CTNNA3: variants seen among roughly 807,000 people sequenced by gnomAD.
The protein encoded by CTNNA3 is catenin alpha-3.
CTNNA3 carries 76 observed loss-of-function variants against 95.7 expected under a neutral mutation model. That is an observed-to-expected ratio of 0.79 (90% CI 0.66 to 0.96). The LOEUF is 0.96. Among genes scored for constraint, CTNNA3 ranks in the 40% least tolerant of loss-of-function variants. The pLI, the probability that CTNNA3 is intolerant of heterozygous loss-of-function variation, is 0.00. For missense variants in CTNNA3, 1,191 were observed against 1,089.8 expected (o/e 1.09, Z -1.31); for synonymous variants, 431 against 374.4 (o/e 1.15, Z -1.74).
chr10:67,078,867 A>G (rs1355761798), intron 7 of CTNNA3, among the ~76,000 whole-genome samples: 1 of 152,188 alleles, frequency 6.6e-6, no homozygotes, highest in African/African-American at 2.4e-5. Context: ...CAAGGTTAGC[A>G]GGACACTTGT....
chr10:67,014,095 T>C (rs1416333111), intron 7 of CTNNA3, among the ~76,000 whole-genome samples: 1 of 152,190 alleles, frequency 6.6e-6, no homozygotes, highest in Non-Finnish European at 1.5e-5. Context: ...CAACATTAGT[T>C]TGTATTTTGG....
chr10:65,983,282 A>G (rs1292160737), intron 16 of CTNNA3, among the ~76,000 whole-genome samples: 1 of 151,624 alleles, frequency 6.6e-6, no homozygotes, highest in Non-Finnish European at 1.5e-5. Context: ...AGAAAGTCTA[A>G]CACTGTTCTC....
chr10:67,197,391 G>A (rs1294815337), intron 6 of CTNNA3, among the ~76,000 whole-genome samples: 1 of 151,964 alleles, frequency 6.6e-6, no homozygotes, highest in Non-Finnish European at 1.5e-5. Context: ...TGTCCTTTGG[G>A]AGAAATAGCA....
intron 10 of CTNNA3, among the ~76,000 whole-genome samples, chr10:66,585,549 C>T (rs1341974592): frequency 6.6e-6 from 1 of 151,674 alleles, no homozygotes; most frequent in Non-Finnish European, 1.5e-5. Context: ...TTCTGATTGG[C>T]TTTCCTTTAA....
intron 15 of CTNNA3, among the ~76,000 whole-genome samples, chr10:66,061,903 G>T (rs1274787571): frequency 1.3e-5 from 2 of 152,172 alleles, no homozygotes; most frequent in Admixed American, 1.3e-4. Flanking sequence ...CATAATTATT[G>T]TTATCTCTGA....
intron 7 of CTNNA3, among the ~76,000 whole-genome samples, chr10:67,118,708 T>C (rs1406134898): frequency 6.6e-6 from 1 of 151,894 alleles, no homozygotes; most frequent in Non-Finnish European, 1.5e-5. Flanking sequence ...AAAAATGATA[T>C]TAATAAAAAT....
At chr10:66,985,842 C>T (rs1850699279) in intron 7 of CTNNA3, among the ~76,000 whole-genome samples, 1 of 152,092 alleles carries the variant, frequency 6.6e-6, no homozygotes, top group Non-Finnish European at 1.5e-5. Flanking sequence ...ATTCTCATGC[C>T]TCAGCCTCCC....
rs183437954 is a variant in CTNNA3, at chr10:66,723,247, T to C, written c.1281+43017A>G. Among the ~76,000 whole-genome samples, 145 of 152,318 alleles carry C rather than the reference T, an allele frequency of 9.5e-4. 1 individual carries two copies. The highest frequency in any genetic ancestry group is 3.8e-3 in the Admixed American group (58 of 15,302). The stretch of plus-strand genomic sequence containing the variant: ...CTATGAGATACATGATAGTTGTTTC[T>C]AGTAACATATGTTTTCTCATTTTTA... On this transcript the variant is annotated intron_variant, in intron 9 of 17. Transcript: ENST00000433211.
intron 9 of CTNNA3, among the ~76,000 whole-genome samples, chr10:66,734,421 A>C (rs1290216303): frequency 6.6e-6 from 1 of 152,162 alleles, no homozygotes; most frequent in Non-Finnish European, 1.5e-5. Flanking sequence ...GATATTTTTC[A>C]GCATGTTAAG....
chr10:67,245,369 T>C (rs77098095), intron 5 of CTNNA3, among the ~76,000 whole-genome samples: 1 of 152,216 alleles, frequency 6.6e-6, no homozygotes, highest in Non-Finnish European at 1.5e-5. Context: ...TTGTCACTAA[T>C]ATATACTACA....
At chr10:66,189,772 T>C (rs2086571822) in intron 13 of CTNNA3, among the ~76,000 whole-genome samples, 1 of 151,654 alleles carries the variant, frequency 6.6e-6, no homozygotes, top group Admixed American at 6.6e-5. Context: ...GTTACCTTTA[T>C]TTTCCGTATG....
intron 7 of CTNNA3, among the ~76,000 whole-genome samples, chr10:66,828,952 C>T (rs1842612726): frequency 6.6e-6 from 1 of 152,186 alleles, no homozygotes; most frequent in Admixed American, 6.5e-5. Flanking sequence ...TGTGAAGAGG[C>T]ATGTAATGCA....
rs554560366 is a variant in CTNNA3 at position 66,943,517 on chromosome 10, C to T, written c.1048-167993G>A. Among the ~76,000 whole-genome samples the T allele has an allele frequency of 7.5e-3, 434 of 57,602 alleles. 11 individuals carry two copies. In the Admixed American group the frequency reaches 0.098, roughly 13 times the overall value. The allele number at this position is 57,602 out of a possible 152,430, so 37.8% of individuals were successfully genotyped here. A position where few individuals can be genotyped will look rare whatever the true frequency, so the allele number is the denominator to read the frequency against. On this transcript the variant is annotated intron_variant, in intron 7 of 17. Transcript: ENST00000433211. ...CCTGATCCCAAATCCAATTCCCCCA[C>T]CCTTTTTTTTTTTTTCAGTATTAGC...
At chr10:66,771,380 C>T (rs1030772361) in intron 8 of CTNNA3, among the ~76,000 whole-genome samples, 3 of 151,960 alleles carry the variant, frequency 2.0e-5, no homozygotes, top group Non-Finnish European at 4.4e-5. Flanking sequence ...AGTCTTCCTC[C>T]TTTTACTGAG....
intron 10 of CTNNA3, among the ~76,000 whole-genome samples, chr10:66,528,564 T>C (rs1589380155): frequency 6.6e-6 from 1 of 152,172 alleles, no homozygotes; most frequent in African/African-American, 2.4e-5. Context: ...TTTATTCTAG[T>C]AAAACCTGCC....
At chr10:66,631,768 G>T (rs918071013) in intron 9 of CTNNA3, among the ~76,000 whole-genome samples, 1 of 151,280 alleles carries the variant, frequency 6.6e-6, no homozygotes, top group African/African-American at 2.4e-5. Context: ...ATAAAAAAAA[G>T]CAATAGATGC....
At chr10:66,663,444 C>G (rs996816333) in intron 9 of CTNNA3, among the ~76,000 whole-genome samples, 1 of 145,620 alleles carries the variant, frequency 6.9e-6, no homozygotes, top group Non-Finnish European at 1.5e-5. Flanking sequence ...GCAAAAATGT[C>G]CACTTAAAAA....
intron 5 of CTNNA3, among the ~76,000 whole-genome samples, chr10:67,380,222 C>A (rs1843884498): frequency 6.6e-6 from 1 of 152,006 alleles, no homozygotes. Flanking sequence ...CAAAATGGAT[C>A]AGATAAAGTT....
At chr10:66,692,238 C>A (rs917339272) in intron 9 of CTNNA3, among the ~76,000 whole-genome samples, 1 of 152,098 alleles carries the variant, frequency 6.6e-6, no homozygotes, top group Non-Finnish European at 1.5e-5. Context: ...GAATGTATAA[C>A]CACAAGAACC....
Sources: gnomAD v4.1 joint callset for allele counts (sites outside exome capture counted in the v4.1 genomes callset) on GRCh38, gnomAD v4.1.1 for gene constraint, MANE v1.5 for transcripts, NCBI Gene and HGNC (gene_info 2026-07-23, HGNC 2026-07-21) for gene names.